Variants in DOCK3 observed in about 807,000 individuals in gnomAD.
DOCK3 encodes dedicator of cytokinesis protein 3.
DOCK3 carries 60 observed loss-of-function variants against 265.6 expected under a neutral mutation model. The ratio of observed to expected loss-of-function variants is 0.23; its 90% confidence interval spans 0.18 to 0.28. The LOEUF is 0.28. Ranked by LOEUF, DOCK3 falls within the 10% of genes least tolerant of loss-of-function variation. The probability of loss-of-function intolerance (pLI) is 1.00; values close to 1 mark genes in which losing one functional copy is unlikely to be tolerated. For synonymous variants in DOCK3, 881 were observed against 938.0 expected, an observed-to-expected ratio of 0.94 and a Z score of 1.11; for missense variants, 1,981 against 2,594.3, an observed-to-expected ratio of 0.76 and a Z score of 5.14.
chr3:50,877,530 G>A lies in DOCK3; in HGVS notation c.163-12496G>A, dbSNP rs761711312. ...CAGTGTTTGGCTTCTGTAATGTGAT[G>A]AAGATACTGACTGTGTTGACATACA... is the stretch of plus-strand genomic sequence containing the variant. On this transcript the variant is annotated intron_variant, in intron 3 of 52. Coordinates refer to ENST00000266037, the MANE Select transcript of DOCK3 (RefSeq NM_004947.5). 1.5e-4 allele frequency: 76 copies of A among 520,040 alleles called. 1 individual carries two copies. Among genetic ancestry groups the A allele is most frequent in the Non-Finnish European group, 3.8e-6 (1 of 259,934 alleles). 32.2% of individuals were successfully genotyped at this position (520,040 alleles called of 1,614,324 possible).
intron 22 of DOCK3, among the ~76,000 whole-genome samples, chr3:51,252,133 T>G (rs937569492): frequency 1.5e-4 from 23 of 152,294 alleles, no homozygotes; most frequent in South Asian, 4.1e-4. Context: ...TTTCCCCATT[T>G]CTTGTTTTTG....
chr3:51,175,737 TG>T (rs1018333687), intron 12 of DOCK3, among the ~76,000 whole-genome samples: 1 of 151,940 alleles, frequency 6.6e-6, no homozygotes, highest in African/African-American at 2.4e-5. Flanking sequence ...TAGATGGGAG[TG>T]GGGGCCATCC....
intron 2 of DOCK3, among the ~76,000 whole-genome samples, chr3:50,809,978 A>G (rs1031528922): frequency 2.0e-5 from 3 of 152,106 alleles, no homozygotes; most frequent in Admixed American, 6.6e-5. Flanking sequence ...TGTCTCTACA[A>G]AAAATTTAAA....
chr3:51,131,392 C>T (rs781148987), intron 9 of DOCK3, among the ~76,000 whole-genome samples: 2 of 151,996 alleles, frequency 1.3e-5, no homozygotes, highest in Non-Finnish European at 2.9e-5. Flanking sequence ...GGTAAAAGGC[C>T]GGAGGTCTCC....
chr3:51,355,580 T>C (rs2086307770), intron 41 of DOCK3, among the ~76,000 whole-genome samples: 1 of 152,276 alleles, frequency 6.6e-6, no homozygotes, highest in South Asian at 2.1e-4. Flanking sequence ...ACACACAGCT[T>C]CCTTGGGGAC....
intron 10 of DOCK3, among the ~76,000 whole-genome samples, chr3:51,156,343 G>A (rs1364197777): frequency 6.6e-6 from 1 of 152,166 alleles, no homozygotes; most frequent in African/African-American, 2.4e-5. Flanking sequence ...AGTAGGATTA[G>A]AGAGTTTGGT....
intron 1 of DOCK3, among the ~76,000 whole-genome samples, chr3:50,734,845 T>C (rs2038483366): frequency 6.6e-6 from 1 of 152,150 alleles, no homozygotes; most frequent in Admixed American, 6.5e-5. Flanking sequence ...CCTTGTGATC[T>C]GCCTGCCTTG....
intron 5 of DOCK3, among the ~76,000 whole-genome samples, chr3:51,005,596 G>GCCAGAT (rs748623070): frequency 4.6e-5 from 7 of 152,090 alleles, no homozygotes; most frequent in Non-Finnish European, 7.4e-5. Flanking sequence ...TTATCTCAAT[G>GCCAGAT]GTTTAGGCAA....
chr3:50,928,549 A>G (rs1004622718), intron 4 of DOCK3, among the ~76,000 whole-genome samples: 1 of 152,076 alleles, frequency 6.6e-6, no homozygotes, highest in Non-Finnish European at 1.5e-5. Flanking sequence ...CCATTCATCT[A>G]TTGATGGACA....
chr3:50,827,278 T>G (rs1348462257), intron 2 of DOCK3, among the ~76,000 whole-genome samples: 4 of 152,196 alleles, frequency 2.6e-5, no homozygotes, highest in Non-Finnish European at 5.9e-5. Flanking sequence ...CTGGGTAGTT[T>G]ATAAGCAACA....
chr3:50,997,691 C>T (rs1035603321), intron 5 of DOCK3, among the ~76,000 whole-genome samples: 20 of 152,284 alleles, frequency 1.3e-4, no homozygotes, highest in Admixed American at 1.2e-3. Context: ...TGCTTTGGTG[C>T]TGCACTGGCT....
chr3:50,879,022 C>T (rs934994027), intron 3 of DOCK3, among the ~76,000 whole-genome samples: 2 of 152,098 alleles, frequency 1.3e-5, no homozygotes, highest in African/African-American at 4.8e-5. Flanking sequence ...CATATCCAGC[C>T]AAACTAAGCT....
chr3:51,160,649 A>G lies in DOCK3; in HGVS notation c.984A>G (p.Leu328=). The change falls in exon 12 of 53, where the codon CTA becomes CTG. Residue 328 remains leucine, a synonymous_variant. Transcript: ENST00000266037. ...CGGTCCTAAGCATCTTGGATGTCCT[A>G]CAGTCACTCACAGAAGTAAAGGAAG... The part of the protein sequence containing the change: ...GCAVLSILDV[L]QSLTEVKEEK... 3 of 1,613,132 alleles carry G rather than the reference A, an allele frequency of 1.9e-6. No homozygotes were observed. Among genetic ancestry groups the G allele is most frequent in the Admixed American group, 1.7e-5 (1 of 59,868 alleles).
intron 1 of DOCK3, among the ~76,000 whole-genome samples, chr3:50,677,041 A>C (rs1046021933): frequency 2.0e-5 from 3 of 152,244 alleles, no homozygotes; most frequent in African/African-American, 4.8e-5. Context: ...TTTTCCCAGC[A>C]AGATGCAACG....
At position 51,016,953 on chromosome 3, in the gene DOCK3, A is replaced by G. The variant is rs1255195099; in HGVS notation, c.316-47495A>G. ...ATATACAATATATGTTATATATAATATATATATTATATATATATAAATAAA... is the reference window on the plus strand; with the variant it reads ...ATATACAATATATGTTATATATAATGTATATATTATATATATATAAATAAA... On this transcript the variant is annotated intron_variant, in intron 5 of 52. Coordinates refer to ENST00000266037, the MANE Select transcript of DOCK3 (RefSeq NM_004947.5). Among the ~76,000 whole-genome samples, 24 of 21,524 alleles carry G rather than the reference A, an allele frequency of 1.1e-3. 2 individuals carry two copies. The highest frequency in any genetic ancestry group is 1.4e-3 in the Non-Finnish European group (20 of 14,114). 14.1% of individuals were successfully genotyped at this position (21,524 alleles called of 152,430 possible).
chr3:51,204,854 A>C lies in DOCK3; in HGVS notation c.1038-3920A>C, dbSNP rs536073258. 3.8e-3 allele frequency among the ~76,000 whole-genome samples: 582 copies of C among 152,226 alleles called. 2 individuals carry two copies. The highest frequency in any genetic ancestry group is 6.2e-3 in the Non-Finnish European group (422 of 68,002). On this transcript the variant is annotated intron_variant, in intron 12 of 52. Transcript: ENST00000266037. ...TGCAGCCATAAAAAAGGATGAGTTC[A>C]TGTCCTTTGTAGGGACATGGATGAA...
chr3:50,985,022 G>T (rs2077844447), intron 5 of DOCK3, among the ~76,000 whole-genome samples: 1 of 152,098 alleles, frequency 6.6e-6, no homozygotes, highest in Non-Finnish European at 1.5e-5. Flanking sequence ...CATGGATACC[G>T]AGGGATGACT....
intron 3 of DOCK3, among the ~76,000 whole-genome samples, chr3:50,850,992 T>C (rs2046332725): frequency 1.3e-5 from 2 of 152,114 alleles, no homozygotes; most frequent in Non-Finnish European, 2.9e-5. Context: ...GTGGGGTCCA[T>C]GATGGGTAGG....
At chr3:51,348,785 T>G in intron 38 of DOCK3, 67 bp from the exon 39 acceptor site, 2 of 1,459,918 alleles carry the variant, frequency 1.4e-6, no homozygotes, top group Non-Finnish European at 1.9e-6. Context: ...TCTTCTGATG[T>G]GTTTAATGTG....
Sources: allele counts gnomAD v4.1 joint callset (sites outside exome capture counted in the v4.1 genomes callset), GRCh38; gene constraint gnomAD v4.1.1; transcripts MANE v1.5; gene names NCBI Gene and HGNC (gene_info 2026-07-23, HGNC 2026-07-21).